Variants in CRYBG1 observed in about 807,000 individuals in gnomAD.
The protein encoded by CRYBG1 is crystallin beta-gamma domain containing 1.
A neutral mutation model predicts 189.2 loss-of-function variants in CRYBG1; 139 were observed. That is an observed-to-expected ratio of 0.73 (90% CI 0.64 to 0.85). The LOEUF is 0.85. Among genes scored for constraint, CRYBG1 ranks in the 40% least tolerant of loss-of-function variants. CRYBG1 has a pLI of 0.00. For missense variants in CRYBG1, 2,611 were observed against 2,675.8 expected (o/e 0.98, Z 0.53); for synonymous variants, 1,023 against 1,017.1 (o/e 1.01, Z -0.11).
At chr6:106,428,555 C>A (rs1771268703) in intron 1 of CRYBG1, among the ~76,000 whole-genome samples, 1 of 152,218 alleles carries the variant, frequency 6.6e-6, no homozygotes, top group East Asian at 1.9e-4. Context: ...CATGTACTAT[C>A]CCATTTAATT....
At chr6:106,500,182 C>T (rs1772971695) in intron 2 of CRYBG1, among the ~76,000 whole-genome samples, 1 of 152,102 alleles carries the variant, frequency 6.6e-6, no homozygotes, top group Non-Finnish European at 1.5e-5. Flanking sequence ...TGGGTATGTA[C>T]CCAGAAGCAG....
chr6:106,529,028 C>G (rs1436108253), intron 7 of CRYBG1, among the ~76,000 whole-genome samples: 3 of 151,782 alleles, frequency 2.0e-5, no homozygotes, highest in Admixed American at 2.0e-4. Flanking sequence ...ACTGCAACTT[C>G]TGCCTCCCAG....
chr6:106,422,867 T>C (rs1432870531), intron 1 of CRYBG1, among the ~76,000 whole-genome samples: 3 of 152,182 alleles, frequency 2.0e-5, no homozygotes, highest in African/African-American at 7.2e-5. Flanking sequence ...CATGATTAGG[T>C]GCCCAAAACT....
intron 4 of CRYBG1, among the ~76,000 whole-genome samples, chr6:106,524,605 A>G (rs1439246577): frequency 6.6e-6 from 1 of 152,230 alleles, no homozygotes; most frequent in Non-Finnish European, 1.5e-5. Context: ...TGCAATGTAC[A>G]TTATGAAATA....
intron 13 of CRYBG1, among the ~76,000 whole-genome samples, chr6:106,549,988 C>A (rs549295599): frequency 6.6e-6 from 1 of 152,314 alleles, no homozygotes; most frequent in East Asian, 1.9e-4. Context: ...GCAAGGAGAG[C>A]CTGGTGGGCC....
At chr6:106,465,512 C>T (rs1772098265) in intron 2 of CRYBG1, among the ~76,000 whole-genome samples, 1 of 152,172 alleles carries the variant, frequency 6.6e-6, no homozygotes, top group Admixed American at 6.5e-5. Flanking sequence ...CTCAGGCTTG[C>T]AAGCTCCATA....
At chr6:106,560,952 C>A in intron 19 of CRYBG1, 26 bp downstream of exon 19, 2 of 1,541,266 alleles carry the variant, frequency 1.3e-6, no homozygotes, top group Non-Finnish European at 1.7e-6. Flanking sequence ...CCATGCTCTG[C>A]ATAGACTCTT....
intron 2 of CRYBG1, among the ~76,000 whole-genome samples, chr6:106,483,526 C>T (rs1261548356): frequency 6.6e-6 from 1 of 151,776 alleles, no homozygotes; most frequent in African/African-American, 2.4e-5. Context: ...CTTTGGAATA[C>T]ATACCCAGCA....
At chr6:106,378,427 C>T (rs144250801) in intron 1 of CRYBG1, among the ~76,000 whole-genome samples, 44 of 152,316 alleles carry the variant, frequency 2.9e-4, no homozygotes, top group East Asian at 1.4e-3. Context: ...GCTCGGTCCT[C>T]GGCACTGTTG....
In CRYBG1 at chr6:106,525,336, C is replaced by T. The variant is rs937326810; in HGVS notation, c.4362C>T (p.Cys1454=). The part of the protein sequence containing the change: ...CIEVFSDIQD[C]SSWSLSPVIL... ...AAGTTTTCAGTGACATTCAGGATTGCAGTTCTTGGAGCCTCTCTCCAGTGA... is the reference window on the plus strand; with the variant it reads ...AAGTTTTCAGTGACATTCAGGATTGTAGTTCTTGGAGCCTCTCTCCAGTGA... The change falls in exon 6 of 22, where the codon TGC becomes TGT. Residue 1454 remains cysteine, a synonymous_variant. Transcript: ENST00000633556. The T allele has an allele frequency of 6.2e-7, 1 of 1,614,140 alleles. No homozygotes were observed. Among genetic ancestry groups the T allele is most frequent in the Non-Finnish European group, 8.5e-7 (1 of 1,180,008 alleles).
intron 1 of CRYBG1, among the ~76,000 whole-genome samples, chr6:106,372,248 TG>T (rs546325341): frequency 2.0e-5 from 3 of 152,104 alleles, no homozygotes; most frequent in African/African-American, 7.2e-5. Context: ...GTCATTACTT[TG>T]TTTTTGTCAT....
At chr6:106,538,017 T>C (rs1774044463) in intron 8 of CRYBG1, among the ~76,000 whole-genome samples, 1 of 152,170 alleles carries the variant, frequency 6.6e-6, no homozygotes, top group Non-Finnish European at 1.5e-5. Flanking sequence ...ACCCGTTTTG[T>C]TGGTAAAAGA....
chr6:106,482,504 G>GCA (rs1562082095), intron 2 of CRYBG1, among the ~76,000 whole-genome samples: 31 of 152,166 alleles, frequency 2.0e-4, no homozygotes, highest in Admixed American at 1.8e-3. Flanking sequence ...GGCCAGGCAT[G>GCA]GTGGCTCACG....
chr6:106,513,539 C>G (rs1389497183), intron 3 of CRYBG1, among the ~76,000 whole-genome samples: 2 of 152,176 alleles, frequency 1.3e-5, no homozygotes, highest in East Asian at 3.8e-4. Context: ...TGGCAAAAAG[C>G]TTAAAAACAC....
At chr6:106,497,224 AG>A (rs1185868554) in intron 2 of CRYBG1, among the ~76,000 whole-genome samples, 1 of 152,080 alleles carries the variant, frequency 6.6e-6, no homozygotes, top group Non-Finnish European at 1.5e-5. Context: ...ATTCCATACG[AG>A]GGGAAATCAG....
chr6:106,552,582 C>CAAAAAAAA (rs58470981), intron 15 of CRYBG1, among the ~76,000 whole-genome samples: 11 of 67,644 alleles, frequency 1.6e-4, no homozygotes, highest in Non-Finnish European at 2.7e-4. Context: ...GACTCTGTCT[C>CAAAAAAAA]AAAAAAAAAA....
chr6:106,541,714 T>A (rs1241661051), intron 10 of CRYBG1, 93 bp downstream of exon 10: 4 of 894,528 alleles, frequency 4.5e-6, no homozygotes, highest in Non-Finnish European at 6.9e-6. Flanking sequence ...CCACTCCATC[T>A]CTATGAAGAT....
chr6:106,424,251 C>T (rs1419083614), intron 1 of CRYBG1, among the ~76,000 whole-genome samples: 5 of 151,328 alleles, frequency 3.3e-5, no homozygotes, highest in Non-Finnish European at 7.4e-5. Flanking sequence ...CTATTTGGCA[C>T]CCTCTTTGAA....
At chr6:106,379,901 A>G (rs1770254618) in intron 1 of CRYBG1, among the ~76,000 whole-genome samples, 1 of 152,214 alleles carries the variant, frequency 6.6e-6, no homozygotes. Context: ...TTCTAATTAC[A>G]GATCACACTA....
Sources: allele counts gnomAD v4.1 joint callset (sites outside exome capture counted in the v4.1 genomes callset), GRCh38; gene constraint gnomAD v4.1.1; transcripts MANE v1.5; gene names NCBI Gene and HGNC (gene_info 2026-07-23, HGNC 2026-07-21).